Variants in ATP8A2 observed in about 807,000 individuals in gnomAD.
ATP8A2 encodes phospholipid-transporting ATPase IB.
In ATP8A2, 100 loss-of-function variants were observed where a neutral mutation model predicts 165.6. That is an observed-to-expected ratio of 0.60 (90% CI 0.51 to 0.71). ATP8A2 has a LOEUF of 0.71. Ranked by LOEUF, ATP8A2 falls within the 30% of genes least tolerant of loss-of-function variation. The pLI, the probability that ATP8A2 is intolerant of heterozygous loss-of-function variation, is 0.00. For synonymous variants in ATP8A2, 543 were observed against 548.8 expected (o/e 0.99, Z 0.15); for missense variants, 1,227 against 1,479.5 (o/e 0.83, Z 2.80).
rs571656094 is a variant in ATP8A2 at position 25,615,611 on chromosome 13, A to C, written c.2211+25912A>C. The stretch of plus-strand genomic sequence containing the variant: ...TTGAAATTATTACAAATTCAGCTGG[A>C]GGTCTTTTCCCTGTGGTCTTTCCCT... On this transcript the variant is annotated intron_variant, in intron 24 of 36. Transcript: ENST00000381655. 2.0e-4 allele frequency among the ~76,000 whole-genome samples: 30 copies of C among 152,222 alleles called. No homozygotes were observed. In the East Asian group the frequency reaches 4.3e-3, roughly 22 times the overall value.
At chr13:25,603,686 C>G (rs1398207897) in intron 24 of ATP8A2, among the ~76,000 whole-genome samples, 1 of 151,808 alleles carries the variant, frequency 6.6e-6, no homozygotes, top group African/African-American at 2.4e-5. Context: ...GATAGTAAAG[C>G]TGACAGGGTT....
chr13:25,585,552 A>G (rs924501555), intron 23 of ATP8A2, among the ~76,000 whole-genome samples: 2 of 152,160 alleles, frequency 1.3e-5, no homozygotes, highest in African/African-American at 4.8e-5. Context: ...ATCATTTGAT[A>G]CTTTTAAAAC....
At chr13:25,398,841 A>C (rs1481565754) in intron 1 of ATP8A2, among the ~76,000 whole-genome samples, 2 of 152,212 alleles carry the variant, frequency 1.3e-5, no homozygotes, top group Non-Finnish European at 2.9e-5. Context: ...AGGGTGACCA[A>C]GAAAGACTTC....
At chr13:25,908,771 C>G (rs1053685594) in intron 33 of ATP8A2, among the ~76,000 whole-genome samples, 1 of 152,246 alleles carries the variant, frequency 6.6e-6, no homozygotes, top group Admixed American at 6.5e-5. Context: ...AGAGGAGAAG[C>G]TCTTCCCTGT....
intron 13 of ATP8A2, among the ~76,000 whole-genome samples, chr13:25,556,889 C>A (rs1244503053): frequency 1.3e-5 from 2 of 152,156 alleles, no homozygotes; most frequent in African/African-American, 4.8e-5. Context: ...TGTTGCATCT[C>A]CCCTGCTCCT....
At chr13:25,392,367 C>T (rs1285084981) in intron 1 of ATP8A2, among the ~76,000 whole-genome samples, 1 of 152,176 alleles carries the variant, frequency 6.6e-6, no homozygotes, top group Non-Finnish European at 1.5e-5. Context: ...ATAGATTGGC[C>T]TTCTTCCTTA....
chr13:25,913,272 A>G (rs1400373477), intron 33 of ATP8A2, among the ~76,000 whole-genome samples: 2 of 152,194 alleles, frequency 1.3e-5, no homozygotes, highest in African/African-American at 4.8e-5. Flanking sequence ...CATTCCTAAA[A>G]TTTAAGGGAA....
chr13:25,462,293 C>T (rs1418656038), intron 1 of ATP8A2, among the ~76,000 whole-genome samples: 2 of 152,188 alleles, frequency 1.3e-5, no homozygotes, highest in Non-Finnish European at 2.9e-5. Flanking sequence ...CTTCAACGAC[C>T]AGCTGCAGGC....
chr13:25,647,494 T>C (rs1188026734), intron 24 of ATP8A2, among the ~76,000 whole-genome samples: 1 of 152,212 alleles, frequency 6.6e-6, no homozygotes, highest in Non-Finnish European at 1.5e-5. Context: ...GTATGTAATG[T>C]ATTTCTTATC....
intron 33 of ATP8A2, among the ~76,000 whole-genome samples, chr13:25,882,488 C>T (rs749725483): frequency 7.2e-4 from 109 of 152,184 alleles, no homozygotes; most frequent in South Asian, 2.5e-3. Context: ...AGACTAAGTT[C>T]GTGAGAAACA....
In ATP8A2 at chr13:25,937,362, C is replaced by CTTTCTTTCTTTTTTTTTTTTTTTTT; in HGVS notation, c.3184-24210_3184-24209insCTTTCTTTTTTTTTTTTTTTTTTTT. On this transcript the variant is annotated intron_variant, in intron 33 of 36. Transcript: ENST00000381655. ...TGCTTTGTCTTTCTATTCTTTCTTT[C>CTTTCTTTCTTTTTTTTTTTTTTTTT]TTTTTTTTTTTTTTTTTGAACAGCC... 9.0e-4 allele frequency among the ~76,000 whole-genome samples: 35 copies of CTTTCTTTCTTTTTTTTTTTTTTTTT among 38,800 alleles called. 1 individual carries two copies. Among genetic ancestry groups the CTTTCTTTCTTTTTTTTTTTTTTTTT allele is most frequent in the East Asian group, 2.2e-3 (1 of 462 alleles). 25.5% of individuals were successfully genotyped at this position (38,800 alleles called of 152,430 possible). A position where few individuals can be genotyped will look rare whatever the true frequency, so the allele number is the denominator to read the frequency against.
intron 2 of ATP8A2, among the ~76,000 whole-genome samples, chr13:25,516,150 G>A (rs1014475085): frequency 8.5e-5 from 13 of 152,154 alleles, no homozygotes; most frequent in Non-Finnish European, 1.2e-4. Flanking sequence ...CTCAGCTCCC[G>A]ATGTTCTCCC....
intron 2 of ATP8A2, among the ~76,000 whole-genome samples, chr13:25,485,369 T>C (rs1236038424): frequency 1.3e-5 from 2 of 152,218 alleles, no homozygotes; most frequent in South Asian, 2.1e-4. Flanking sequence ...AATGTGGACA[T>C]TGGAAAGTCA....
intron 2 of ATP8A2, among the ~76,000 whole-genome samples, chr13:25,485,629 T>A (rs1398074697): frequency 6.6e-6 from 1 of 152,212 alleles, no homozygotes; most frequent in Non-Finnish European, 1.5e-5. Flanking sequence ...TTCCTGTGAG[T>A]CCCAGATGAT....
intron 33 of ATP8A2, among the ~76,000 whole-genome samples, chr13:25,882,806 G>A (rs1319199962): frequency 1.3e-5 from 2 of 152,074 alleles, no homozygotes; most frequent in Non-Finnish European, 2.9e-5. Context: ...AATCCCAAGC[G>A]TCTACTCACT....
chr13:25,885,061 G>A (rs906529670), intron 33 of ATP8A2, among the ~76,000 whole-genome samples: 5 of 149,756 alleles, frequency 3.3e-5, no homozygotes, highest in African/African-American at 4.9e-5. Flanking sequence ...CCCAGGGCTC[G>A]CTTCCTCTCT....
intron 33 of ATP8A2, among the ~76,000 whole-genome samples, chr13:25,924,502 C>T (rs755296826): frequency 6.6e-6 from 1 of 152,080 alleles, no homozygotes; most frequent in Admixed American, 6.5e-5. Flanking sequence ...CCAAATTTGC[C>T]CTTTTTATAA....
At chr13:25,789,132 C>T (rs1014474265) in intron 27 of ATP8A2, among the ~76,000 whole-genome samples, 1 of 151,936 alleles carries the variant, frequency 6.6e-6, no homozygotes, top group African/African-American at 2.4e-5. Flanking sequence ...TTTTAAATGA[C>T]AATAATGTTA....
At chr13:25,475,563 T>C (rs1383916172) in intron 2 of ATP8A2, among the ~76,000 whole-genome samples, 1 of 152,220 alleles carries the variant, frequency 6.6e-6, no homozygotes, top group African/African-American at 2.4e-5. Context: ...TGAGTGGTAG[T>C]TCGGTTATTA....
Sources: gnomAD v4.1 joint callset for allele counts (sites outside exome capture counted in the v4.1 genomes callset) on GRCh38, gnomAD v4.1.1 for gene constraint, MANE v1.5 for transcripts, NCBI Gene and HGNC (gene_info 2026-07-23, HGNC 2026-07-21) for gene names.